The following LRRC66 variants were observed in gnomAD, a reference collection of about 807,000 sequenced individuals.
LRRC66 encodes leucine-rich repeat-containing protein 66.
LRRC66 carries 29 observed loss-of-function variants against 24.6 expected under a neutral mutation model. The observed-to-expected ratio is 1.18, with a 90% confidence interval of 0.88 to 1.61. The LOEUF is 1.61. Ranked by LOEUF, LRRC66 falls within the 40% of genes most tolerant of loss-of-function variation. LRRC66 has a pLI of 0.00. For missense variants in LRRC66, 1,124 were observed against 1,058.0 expected, an observed-to-expected ratio of 1.06 and a Z score of -0.87; for synonymous variants, 411 against 397.6, an observed-to-expected ratio of 1.03 and a Z score of -0.40.
At chr4:52,019,083 CA>C (rs1387548775) in intron 1 of LRRC66, among the ~76,000 whole-genome samples, 1 of 152,218 alleles carries the variant, frequency 6.6e-6, no homozygotes, top group African/African-American at 2.4e-5. Context: ...CCATGTTGGT[CA>C]GGCTGGTCTC....
intron 2 of LRRC66, among the ~76,000 whole-genome samples, chr4:52,011,972 G>GA (rs1736715702): frequency 6.6e-6 from 1 of 152,090 alleles, no homozygotes; most frequent in Non-Finnish European, 1.5e-5. Flanking sequence ...ATCACTTGAG[G>GA]TCAGGAGTTC....
At position 51,994,407 on chromosome 4, in the gene LRRC66, T is replaced by C. The variant is rs1250555070; in HGVS notation, c.2615A>G (p.His872Arg). 4 of 1,612,398 alleles carry C rather than the reference T, an allele frequency of 2.5e-6. No individual in the cohort carries two copies. The highest frequency in any genetic ancestry group is 2.5e-6 in the Non-Finnish European group (3 of 1,179,484). Residue 872 changes from histidine (H) to arginine (R), a missense_variant, in exon 5 of 5, where the codon CAT (histidine) becomes CGT (arginine). Physicochemically the swap from His to Arg is conservative, Grantham distance 29. Transcript: ENST00000682860. ...VPSDPDKAAFHERDSDILK is the reference protein window; with the variant it reads ...VPSDPDKAAFRERDSDILK ...TTTTAAAATGTCTGAGTCTCTTTCA[T>C]GGAAGGCAGCCTTATCAGGATCTGA...
chr4:52,003,745 T>C (rs1442413448), intron 2 of LRRC66, among the ~76,000 whole-genome samples: 1 of 152,118 alleles, frequency 6.6e-6, no homozygotes, highest in Non-Finnish European at 1.5e-5. Context: ...ACTAGGATGG[T>C]TGAGTTGAGG....
rs1338347085 is a variant in LRRC66 at position 52,003,346 on chromosome 4, A to G, written c.543T>C (p.Asn181=). 6.2e-7 allele frequency: 1 copy of G among 1,613,764 alleles called. No homozygotes were observed. Among genetic ancestry groups the G allele is most frequent in the African/African-American group, 1.3e-5 (1 of 74,904 alleles). Residue 181 remains asparagine, a synonymous_variant, in exon 3 of 5, where the codon AAT becomes AAC. Coordinates refer to ENST00000682860, the MANE Select transcript of LRRC66 (RefSeq NM_001024611.3). ...KSLQSLDLSF[N]GILQIGWSDF... is the part of the protein sequence containing the mutation. ...CAGACCACCCTATTTGCAATATCCC[A>G]TTGAATGACAGATCCAAACTCTGCA...
intron 1 of LRRC66, chr4:52,018,123 C>G: frequency 1.0e-6 from 1 of 985,442 alleles, no homozygotes; most frequent in African/African-American, 1.7e-5. Flanking sequence ...AAAAGAGGCT[C>G]TTACTTTTCA....
chr4:52,014,080 C>G (rs2110202750), intron 2 of LRRC66, among the ~76,000 whole-genome samples: 1 of 152,226 alleles, frequency 6.6e-6, no homozygotes, highest in African/African-American at 2.4e-5. Context: ...ATGGAGGAGC[C>G]CCGTCTCTAC....
chr4:51,996,247 A>G, intron 4 of LRRC66, 82 bp from the exon 5 acceptor site: 10 of 1,352,166 alleles, frequency 7.4e-6, no homozygotes, highest in Non-Finnish European at 9.0e-6. Context: ...TACAGAATTG[A>G]AAAAAATTCA....
chr4:52,002,999 T>A (rs1380213252), intron 3 of LRRC66, among the ~76,000 whole-genome samples: 1 of 152,238 alleles, frequency 6.6e-6, no homozygotes, highest in Non-Finnish European at 1.5e-5. Flanking sequence ...ATTCTTGCTG[T>A]TGAGTATTAT....
chr4:51,997,264 C>T (rs142436795), intron 4 of LRRC66, among the ~76,000 whole-genome samples: 7 of 152,118 alleles, frequency 4.6e-5, no homozygotes, highest in African/African-American at 7.2e-5. Flanking sequence ...GTGTGTTTTG[C>T]GTATGTAGAG....
At chr4:52,012,194 GA>G (rs796198462) in intron 2 of LRRC66, among the ~76,000 whole-genome samples, 19 of 145,784 alleles carry the variant, frequency 1.3e-4, no homozygotes, top group African/African-American at 3.3e-4. Context: ...TCTAAAAACA[GA>G]AAAAAAAAAG....
chr4:52,000,401 AC>A (rs1159509746), intron 3 of LRRC66, among the ~76,000 whole-genome samples: 1 of 152,100 alleles, frequency 6.6e-6, no homozygotes, highest in African/African-American at 2.4e-5. Context: ...TGTCCTCATG[AC>A]TACTGTAGCA....
At chr4:52,003,425 A>G (rs770720779) in intron 2 of LRRC66, 33 bp from the exon 3 acceptor site, 1 of 1,594,626 alleles carries the variant, frequency 6.3e-7, no homozygotes, top group Admixed American at 1.7e-5. Context: ...TGAAATCTAA[A>G]CTGGTAAAAT....
chr4:52,000,527 T>C (rs1319454516), intron 3 of LRRC66, among the ~76,000 whole-genome samples: 3 of 152,138 alleles, frequency 2.0e-5, no homozygotes, highest in East Asian at 1.9e-4. Context: ...CCACAGACTA[T>C]GGAAAACAAT....
At chr4:51,998,368 A>G (rs1736372457) in intron 3 of LRRC66, among the ~76,000 whole-genome samples, 1 of 152,246 alleles carries the variant, frequency 6.6e-6, no homozygotes, top group Non-Finnish European at 1.5e-5. Context: ...ATACTGGATG[A>G]TGAAGACACA....
rs758853977 is a variant in LRRC66, at chr4:51,995,719, T to G, written c.1303A>C (p.Thr435Pro). Reference sequence around the variant, plus strand: ...CGCAGATGGGTCTCTGGGTGTGGTGTGTGCCCCGCAGCTTCCATGTCATCG... The same window carrying G: ...CGCAGATGGGTCTCTGGGTGTGGTGGGTGCCCCGCAGCTTCCATGTCATCG... ...FYDDMEAAGH[T>P]PHPETHLRQV... Residue 435 changes from threonine to proline, a missense_variant, in exon 5 of 5, where the codon ACA becomes CCA. Transcript: ENST00000682860. 6 of 1,614,010 alleles carry G rather than the reference T, an allele frequency of 3.7e-6. No individual in the cohort carries two copies. The Admixed American group carries it at 8.3e-5, about 22-fold the overall frequency.
At chr4:52,004,015 T>G (rs1472541225) in intron 2 of LRRC66, among the ~76,000 whole-genome samples, 1 of 152,180 alleles carries the variant, frequency 6.6e-6, no homozygotes, top group African/African-American at 2.4e-5. Context: ...TTCTATTTTT[T>G]TTTCTGAGAC....
At position 51,995,088 on chromosome 4, in the gene LRRC66, G is replaced by C; in HGVS notation, c.1934C>G (p.Ala645Gly). ...IQQPRLSGAR[A>G]EEALSAHYSE... ...GTAGTGGGCTGAAAGCGCTTCCTCA[G>C]CCCTTGCCCCGGACAGCCTTGGCTG... Residue 645 changes from alanine (A) to glycine (G), a missense_variant, in exon 5 of 5, where the codon GCT becomes GGT. Ala to Gly is a moderately conservative substitution (Grantham distance 60). Transcript: ENST00000682860. 6.2e-7 allele frequency: 1 copy of C among 1,614,202 alleles called. No homozygotes were observed. The highest frequency in any genetic ancestry group is 1.6e-4 in the Middle Eastern group (1 of 6,062).
chr4:52,009,413 G>A (rs976527505), intron 2 of LRRC66, among the ~76,000 whole-genome samples: 1 of 151,902 alleles, frequency 6.6e-6, no homozygotes, highest in Non-Finnish European at 1.5e-5. Context: ...AAATAAAGTA[G>A]GAAATGTAAA....
chr4:52,018,703 A>G, intron 1 of LRRC66: 1 of 631,548 alleles, frequency 1.6e-6, no homozygotes, highest in Non-Finnish European at 2.0e-6. Flanking sequence ...CTATAGTCCA[A>G]ATCCCTCAGG....
Sources: allele counts gnomAD v4.1 joint callset (sites outside exome capture counted in the v4.1 genomes callset), GRCh38; gene constraint gnomAD v4.1.1; transcripts MANE v1.5; gene names NCBI Gene and HGNC (gene_info 2026-07-23, HGNC 2026-07-21).